Variants in NELL1 observed in about 807,000 individuals in gnomAD.
NELL1 encodes protein kinase C-binding protein NELL1.
Under a neutral mutation model 107.4 loss-of-function variants are expected in NELL1, and 76 were observed. That is an observed-to-expected ratio of 0.71 (90% CI 0.59 to 0.86). NELL1 has a LOEUF of 0.86. NELL1 is among the 40% of genes least tolerant of loss of function. The pLI is 0.00. For synonymous variants in NELL1, 353 were observed against 341.2 expected (o/e 1.03, Z -0.38); for missense variants, 1,024 against 1,005.5 (o/e 1.02, Z -0.25).
intron 17 of NELL1, among the ~76,000 whole-genome samples, chr11:21,565,907 G>A (rs12576212): frequency 0.18 from 27,075 of 151,886 alleles, 2,966 homozygotes; most frequent in Non-Finnish European, 0.24. Flanking sequence ...TAAAAAGATT[G>A]GAAATCACAG....
intron 15 of NELL1, among the ~76,000 whole-genome samples, chr11:21,523,094 G>T (rs191393735): frequency 1.3e-5 from 2 of 151,926 alleles, no homozygotes; most frequent in African/African-American, 4.8e-5. Flanking sequence ...TGATCCGCCC[G>T]CCTCGGCATC....
intron 12 of NELL1, among the ~76,000 whole-genome samples, chr11:21,070,964 C>T (rs1209611872): frequency 6.6e-6 from 1 of 152,178 alleles, no homozygotes; most frequent in Non-Finnish European, 1.5e-5. Flanking sequence ...CTGACAAACA[C>T]ATCTCCCATT....
intron 9 of NELL1, among the ~76,000 whole-genome samples, chr11:20,929,720 C>T (rs1380966246): frequency 6.6e-6 from 1 of 152,020 alleles, no homozygotes. Flanking sequence ...GCTTCTAATC[C>T]CAGCACTTTG....
intron 12 of NELL1, among the ~76,000 whole-genome samples, chr11:21,075,038 G>T (rs1234683126): frequency 7.9e-5 from 12 of 152,192 alleles, no homozygotes; most frequent in Admixed American, 3.3e-4. Flanking sequence ...GATGGATAGT[G>T]ACACCTGTGG....
At chr11:21,291,787 A>G (rs1406009215) in intron 14 of NELL1, among the ~76,000 whole-genome samples, 1 of 152,136 alleles carries the variant, frequency 6.6e-6, no homozygotes, top group African/African-American at 2.4e-5. Flanking sequence ...CAAATCAAAA[A>G]ACGTAACCCA....
chr11:20,674,514 A>T, intron 1 of NELL1: 1 of 1,536,150 alleles, frequency 6.5e-7, no homozygotes, highest in African/African-American at 1.4e-5. Context: ...CACCCGTGTT[A>T]TCGCTGATAT....
rs138309930 is a variant in NELL1, at chr11:21,178,328, A to C, written c.1427-51004A>C. ...AATTTGTAATCTAATTGAACAGATG[A>C]AATTAACTGTAGAATATCCCAGAAC... On this transcript the variant is annotated intron_variant, in intron 13 of 19. Transcript: ENST00000357134. Among the ~76,000 whole-genome samples, 324 of 152,028 alleles carry C rather than the reference A, an allele frequency of 2.1e-3. 8 individuals are homozygous for C. Among genetic ancestry groups the C allele is most frequent in the African/African-American group, 7.6e-3 (315 of 41,300 alleles).
At chr11:21,161,382 C>T (rs750965251) in intron 13 of NELL1, among the ~76,000 whole-genome samples, 2 of 152,062 alleles carry the variant, frequency 1.3e-5, no homozygotes, top group Non-Finnish European at 2.9e-5. Flanking sequence ...ACTAAAAATA[C>T]AAAACTTAGC....
chr11:21,551,045 C>G (rs7926284), intron 16 of NELL1, among the ~76,000 whole-genome samples: 17,755 of 146,622 alleles, frequency 0.12, 1,145 homozygotes, highest in Middle Eastern at 0.18. Context: ...TCTCCTTGAA[C>G]AGGTCCTTCA....
chr11:21,499,032 AT>A (rs906196089), intron 15 of NELL1, among the ~76,000 whole-genome samples: 1 of 151,918 alleles, frequency 6.6e-6, no homozygotes, highest in African/African-American at 2.4e-5. Context: ...CTGAATATTC[AT>A]TTTTTTATCA....
At chr11:21,405,755 A>T (rs1292279647) in intron 15 of NELL1, among the ~76,000 whole-genome samples, 1 of 151,986 alleles carries the variant, frequency 6.6e-6, no homozygotes, top group African/African-American at 2.4e-5. Flanking sequence ...AGATGGACAC[A>T]TCATCTTTCC....
At chr11:21,455,854 TCTTA>T (rs1853714636) in intron 15 of NELL1, among the ~76,000 whole-genome samples, 1 of 147,892 alleles carries the variant, frequency 6.8e-6, no homozygotes, top group Non-Finnish European at 1.5e-5. Context: ...TCTTTTCTTT[TCTTA>T]CTTTCTTCTT....
chr11:20,972,155 A>G (rs989429150), intron 12 of NELL1, among the ~76,000 whole-genome samples: 6 of 152,184 alleles, frequency 3.9e-5, no homozygotes, highest in Non-Finnish European at 5.9e-5. Flanking sequence ...TATGTAACCA[A>G]CCTGCACGAC....
chr11:20,955,601 T>C lies in NELL1; in HGVS notation c.1172-4831T>C, dbSNP rs558903061. Reference sequence around the variant, plus strand: ...TCATCATCATTATTAGTGGCCACCATTGACTGACCTCTTTAACAGGTATAA... The same window carrying C: ...TCATCATCATTATTAGTGGCCACCACTGACTGACCTCTTTAACAGGTATAA... On this transcript the variant is annotated intron_variant, in intron 11 of 19. Transcript: ENST00000357134. 8.5e-5 allele frequency among the ~76,000 whole-genome samples: 13 copies of C among 152,292 alleles called. No individual in the cohort carries two copies. The East Asian group carries it at 2.5e-3, about 29-fold the overall frequency.
At chr11:21,089,193 G>A (rs541473951) in intron 12 of NELL1, among the ~76,000 whole-genome samples, 27 of 152,288 alleles carry the variant, frequency 1.8e-4, no homozygotes, top group African/African-American at 5.8e-4. Context: ...TGAGCCAATA[G>A]AGGAATCAGA....
At chr11:21,325,692 G>T (rs1850116187) in intron 14 of NELL1, among the ~76,000 whole-genome samples, 1 of 151,914 alleles carries the variant, frequency 6.6e-6, no homozygotes. Flanking sequence ...AACAAGCTAT[G>T]AAAAGTGTAT....
intron 14 of NELL1, among the ~76,000 whole-genome samples, chr11:21,345,796 CT>C (rs1280095213): frequency 6.6e-6 from 1 of 152,092 alleles, no homozygotes; most frequent in Non-Finnish European, 1.5e-5. Flanking sequence ...TGTTTGTGTG[CT>C]TTGAATTTTT....
intron 12 of NELL1, among the ~76,000 whole-genome samples, chr11:21,026,216 A>T (rs981561866): frequency 6.6e-6 from 1 of 152,032 alleles, no homozygotes; most frequent in Non-Finnish European, 1.5e-5. Flanking sequence ...TTCCCAGTTC[A>T]CTCAGTGTAA....
intron 15 of NELL1, among the ~76,000 whole-genome samples, chr11:21,426,161 A>C (rs761979415): frequency 1.3e-5 from 2 of 152,186 alleles, no homozygotes; most frequent in East Asian, 1.9e-4. Flanking sequence ...CTACTCTATA[A>C]GTTTTTCACT....
Sources: allele counts gnomAD v4.1 joint callset (sites outside exome capture counted in the v4.1 genomes callset), GRCh38; gene constraint gnomAD v4.1.1; transcripts MANE v1.5; gene names NCBI Gene and HGNC (gene_info 2026-07-23, HGNC 2026-07-21).